FSTL5: variants seen among roughly 807,000 people sequenced by gnomAD.
The protein encoded by FSTL5 is follistatin-related protein 5.
Under a neutral mutation model 89.1 loss-of-function variants are expected in FSTL5, and 62 were observed. The ratio of observed to expected loss-of-function variants is 0.70; its 90% CI spans 0.57 to 0.86. The LOEUF (loss-of-function observed/expected upper bound fraction) is 0.86, where lower values mean the gene tolerates loss of function less well. Ranked by LOEUF, FSTL5 falls within the 40% of genes least tolerant of loss-of-function variation. FSTL5 has a pLI of 0.00. For synonymous variants in FSTL5, 383 were observed against 346.2 expected (o/e 1.11, Z -1.18); for missense variants, 1,057 against 1,001.6 (o/e 1.06, Z -0.75).
chr4:161,403,042 G>T (rs1014338608), intron 15 of FSTL5, among the ~76,000 whole-genome samples: 7 of 152,100 alleles, frequency 4.6e-5, no homozygotes, highest in Non-Finnish European at 1.0e-4. Context: ...TGTTAGCGAG[G>T]ATGGTCTTGA....
chr4:162,009,854 C>T (rs943294184), intron 3 of FSTL5, among the ~76,000 whole-genome samples: 4 of 151,824 alleles, frequency 2.6e-5, no homozygotes, highest in South Asian at 2.1e-4. Flanking sequence ...CTACAAATTA[C>T]GTGTAGTAGC....
intron 9 of FSTL5, among the ~76,000 whole-genome samples, chr4:161,541,489 A>G (rs1299283663): frequency 6.6e-6 from 1 of 152,076 alleles, no homozygotes; most frequent in Non-Finnish European, 1.5e-5. Context: ...TGAGGTAATC[A>G]CTAGATATGT....
chr4:161,539,927 C>G (rs1405495091), intron 9 of FSTL5, among the ~76,000 whole-genome samples: 2 of 144,982 alleles, frequency 1.4e-5, no homozygotes, highest in Non-Finnish European at 1.5e-5. Flanking sequence ...TTTCAGGATC[C>G]ACACACTTAA....
At chr4:161,736,633 T>G (rs1163027777) in intron 6 of FSTL5, among the ~76,000 whole-genome samples, 1 of 152,122 alleles carries the variant, frequency 6.6e-6, no homozygotes, top group Admixed American at 6.6e-5. Context: ...CTCCGGTATG[T>G]AGCTTGGGAA....
At chr4:161,831,972 T>C (rs954749242) in intron 4 of FSTL5, among the ~76,000 whole-genome samples, 1 of 151,968 alleles carries the variant, frequency 6.6e-6, no homozygotes. Context: ...ATAAGAGACA[T>C]TGACCAGTTA....
chr4:161,706,425 G>T (rs1326546686), intron 6 of FSTL5, among the ~76,000 whole-genome samples: 1 of 151,876 alleles, frequency 6.6e-6, no homozygotes, highest in East Asian at 1.9e-4. Flanking sequence ...ATTGAGAATA[G>T]AGTTTATATA....
At chr4:161,973,057 C>T (rs1331344490) in intron 3 of FSTL5, among the ~76,000 whole-genome samples, 1 of 152,160 alleles carries the variant, frequency 6.6e-6, no homozygotes, top group Non-Finnish European at 1.5e-5. Context: ...ATGCATGGCC[C>T]TTTAACTCTC....
chr4:161,939,319 A>T (rs1298344456), intron 3 of FSTL5, among the ~76,000 whole-genome samples: 2 of 152,054 alleles, frequency 1.3e-5, no homozygotes, highest in Non-Finnish European at 1.5e-5. Flanking sequence ...ATTAAAAGGC[A>T]TATTTTTGCT....
chr4:161,886,538 G>C (rs1328823628), intron 4 of FSTL5, among the ~76,000 whole-genome samples: 1 of 152,046 alleles, frequency 6.6e-6, no homozygotes, highest in Admixed American at 6.6e-5. Flanking sequence ...TAAATAAAAG[G>C]CATTAGATAA....
chr4:161,613,727 A>T (rs1734739526), intron 7 of FSTL5, among the ~76,000 whole-genome samples: 1 of 152,192 alleles, frequency 6.6e-6, no homozygotes, highest in African/African-American at 2.4e-5. Context: ...TTCCCTCAGC[A>T]TCTTTTAAAT....
At chr4:161,400,046 T>C (rs543661081) in intron 15 of FSTL5, among the ~76,000 whole-genome samples, 2 of 152,278 alleles carry the variant, frequency 1.3e-5, no homozygotes, top group African/African-American at 2.4e-5. Context: ...ATCTATTATA[T>C]GCTTCATAAT....
intron 2 of FSTL5, among the ~76,000 whole-genome samples, chr4:162,063,430 T>C (rs142294263): frequency 2.0e-5 from 3 of 151,996 alleles, no homozygotes; most frequent in Non-Finnish European, 2.9e-5. Flanking sequence ...CTAAGTTTTA[T>C]TGATAGCTTG....
chr4:161,896,948 T>C (rs1733177255), intron 4 of FSTL5, among the ~76,000 whole-genome samples: 1 of 152,030 alleles, frequency 6.6e-6, no homozygotes, highest in East Asian at 1.9e-4. Context: ...TTGTTTGTTT[T>C]ATGAGATGAA....
chr4:161,528,387 A>T lies in FSTL5; in HGVS notation c.1312+9779T>A, dbSNP rs1301811482. On this transcript the variant is annotated intron_variant, in intron 10 of 15. Transcript: ENST00000306100. Reference sequence around the variant, plus strand: ...TAAAATGCACATATAGTTGGGATATAAAGCAAAAAAGGAGGAAGAACAATA... The same window carrying T: ...TAAAATGCACATATAGTTGGGATATTAAGCAAAAAAGGAGGAAGAACAATA... Among the ~76,000 whole-genome samples the T allele has an allele frequency of 1.4e-5, 2 of 143,750 alleles. 1 individual carries two copies. Among genetic ancestry groups the T allele is most frequent in the East Asian group, 4.8e-4 (2 of 4,204 alleles). 94.3% of individuals were successfully genotyped at this position (143,750 alleles called of 152,430 possible).
chr4:161,451,885 G>A, intron 15 of FSTL5, among the ~76,000 whole-genome samples: 1 of 152,100 alleles, frequency 6.6e-6, no homozygotes, highest in Non-Finnish European at 1.5e-5. Context: ...GTGTCCAGTG[G>A]TTTTTAGGCA....
intron 2 of FSTL5, among the ~76,000 whole-genome samples, chr4:162,046,147 T>C (rs1738167889): frequency 6.6e-6 from 1 of 152,172 alleles, no homozygotes; most frequent in East Asian, 1.9e-4. Flanking sequence ...TTTTTTTATT[T>C]GGAACGTACA....
At chr4:162,092,480 A>G (rs1350045890) in intron 2 of FSTL5, among the ~76,000 whole-genome samples, 1 of 152,210 alleles carries the variant, frequency 6.6e-6, no homozygotes, top group Non-Finnish European at 1.5e-5. Context: ...AAATTTCCCA[A>G]CAGATGATCA....
intron 4 of FSTL5, among the ~76,000 whole-genome samples, chr4:161,902,453 C>T (rs754452394): frequency 2.6e-5 from 4 of 152,118 alleles, no homozygotes; most frequent in Admixed American, 6.6e-5. Context: ...ATAGGGCTAA[C>T]CTTGAATAAA....
At chr4:162,157,104 T>C (rs61621196) in intron 1 of FSTL5, among the ~76,000 whole-genome samples, 1,603 of 152,118 alleles carry the variant, frequency 0.011, 33 homozygotes, top group African/African-American at 0.036. Context: ...CAAAATAATT[T>C]TGTCTCAGTT....
Sources: allele counts gnomAD v4.1 joint callset (sites outside exome capture counted in the v4.1 genomes callset), GRCh38; gene constraint gnomAD v4.1.1; transcripts MANE v1.5; gene names NCBI Gene and HGNC (gene_info 2026-07-23, HGNC 2026-07-21).